Variants in SHANK2 observed in about 807,000 individuals in gnomAD.
SHANK2 encodes the protein SH3 and multiple ankyrin repeat domains protein 2.
Under a neutral mutation model 133.7 loss-of-function variants are expected in SHANK2, and 43 were observed. The observed-to-expected ratio is 0.32, with a 90% CI of 0.25 to 0.41. SHANK2 has a LOEUF of 0.41. Among genes scored for constraint, SHANK2 ranks in the 10% least tolerant of loss-of-function variants. The pLI is 1.00. For missense variants in SHANK2, 1,994 were observed against 2,235.8 expected (o/e 0.89, Z 2.18); for synonymous variants, 1,017 against 952.8 (o/e 1.07, Z -1.24).
intron 3 of SHANK2, among the ~76,000 whole-genome samples, chr11:71,127,008 A>G (rs1208125993): frequency 6.6e-6 from 1 of 152,176 alleles, no homozygotes; most frequent in East Asian, 1.9e-4. Context: ...CCCAGCTAAG[A>G]ATATTCACGA....
At chr11:70,763,872 G>A (rs1014395473) in intron 14 of SHANK2, among the ~76,000 whole-genome samples, 6 of 152,170 alleles carry the variant, frequency 3.9e-5, no homozygotes, top group Admixed American at 2.0e-4. Flanking sequence ...GGCACACTGT[G>A]AGTGGATGTG....
At chr11:70,731,458 C>A (rs182458363) in intron 14 of SHANK2, among the ~76,000 whole-genome samples, 2 of 152,216 alleles carry the variant, frequency 1.3e-5, no homozygotes, top group African/African-American at 4.8e-5. Context: ...TCTGTTTCTA[C>A]GGATTTGCTA....
chr11:70,885,693 A>G (rs144689142), intron 11 of SHANK2, among the ~76,000 whole-genome samples: 2 of 152,324 alleles, frequency 1.3e-5, no homozygotes, highest in Non-Finnish European at 2.9e-5. Flanking sequence ...GCATCCCATC[A>G]GGACAAAATC....
intron 17 of SHANK2, among the ~76,000 whole-genome samples, chr11:70,539,257 A>G (rs1565110813): frequency 6.6e-6 from 1 of 152,222 alleles, no homozygotes. Context: ...GCTGTGCCAC[A>G]CGCGGGCCTG....
intron 11 of SHANK2, among the ~76,000 whole-genome samples, chr11:70,872,708 G>A (rs552235483): frequency 2.0e-4 from 30 of 152,206 alleles, no homozygotes; most frequent in African/African-American, 4.3e-4. Flanking sequence ...TCTCCTCCAC[G>A]TTCTGGCCAC....
rs930353853 is a variant in SHANK2, at chr11:71,087,826, A to C, written c.912+4596T>G. 1.4e-4 allele frequency among the ~76,000 whole-genome samples: 22 copies of C among 152,156 alleles called. No individual in the cohort carries two copies. The South Asian group carries it at 1.7e-3, about 11-fold the overall frequency. On this transcript the variant is annotated intron_variant, in intron 8 of 25. Coordinates refer to ENST00000601538, the MANE Select transcript of SHANK2 (RefSeq NM_012309.5). ...TGTATTTTTAGTAAGACAGGGTTTC[A>C]CCATGTTGGCCAGGCTGGTCTCGAA... is the stretch of plus-strand genomic sequence containing the variant.
Position 70,778,815 on chromosome 11 carries a change from A to G in SHANK2, c.1777+19628T>C, listed in dbSNP as rs142625065. Among the ~76,000 whole-genome samples, 418 of 152,248 alleles carry G rather than the reference A, an allele frequency of 2.7e-3. 3 individuals carry two copies. The highest frequency in any genetic ancestry group is 9.8e-3 in the African/African-American group (408 of 41,546). On this transcript the variant is annotated intron_variant, in intron 14 of 25. Coordinates refer to ENST00000601538, the MANE Select transcript of SHANK2 (RefSeq NM_012309.5). ...GACTCTTCCCTGCCTACTGCCCTCC[A>G]CACTGGCAGCCCAGTGTAGCACTAA...
At chr11:70,834,537 G>A (rs543499009) in intron 11 of SHANK2, among the ~76,000 whole-genome samples, 9 of 152,270 alleles carry the variant, frequency 5.9e-5, no homozygotes, top group African/African-American at 1.9e-4. Flanking sequence ...AAGCTAGAGC[G>A]GGATTCTTCC....
At chr11:70,775,352 A>G (rs1947339171) in intron 14 of SHANK2, among the ~76,000 whole-genome samples, 1 of 152,096 alleles carries the variant, frequency 6.6e-6, no homozygotes, top group South Asian at 2.1e-4. Flanking sequence ...GCTACTCGGG[A>G]GGGTGAGGCA....
chr11:70,629,889 G>A (rs2060959318), intron 17 of SHANK2, among the ~76,000 whole-genome samples: 1 of 152,146 alleles, frequency 6.6e-6, no homozygotes, highest in Admixed American at 6.5e-5. Context: ...CTCACTATGA[G>A]GACCCTAATA....
intron 9 of SHANK2, among the ~76,000 whole-genome samples, chr11:71,072,192 C>T (rs1951151926): frequency 6.6e-6 from 1 of 152,148 alleles, no homozygotes; most frequent in East Asian, 1.9e-4. Flanking sequence ...CCTATGCCCC[C>T]GTGAGCCCAG....
intron 3 of SHANK2, among the ~76,000 whole-genome samples, chr11:71,122,178 C>T (rs7925806): frequency 0.68 from 103,617 of 152,038 alleles, 35,555 homozygotes; most frequent in South Asian, 0.73. Flanking sequence ...ATCATGCCAC[C>T]ATAAAGACAC....
intron 14 of SHANK2, among the ~76,000 whole-genome samples, chr11:70,765,896 A>C (rs1413040177): frequency 6.6e-6 from 1 of 152,228 alleles, no homozygotes; most frequent in Non-Finnish European, 1.5e-5. Flanking sequence ...GGGAGGAAGT[A>C]GAGGACATCT....
At chr11:70,598,087 G>A (rs782565018) in intron 17 of SHANK2, among the ~76,000 whole-genome samples, 10 of 152,246 alleles carry the variant, frequency 6.6e-5, no homozygotes, top group Non-Finnish European at 1.0e-4. Context: ...GGAGTGGGCT[G>A]CAGAACTCTG....
At chr11:70,824,865 G>T (rs1301277662) in intron 11 of SHANK2, among the ~76,000 whole-genome samples, 1 of 152,206 alleles carries the variant, frequency 6.6e-6, no homozygotes, top group Admixed American at 6.5e-5. Context: ...CAGTCTCAGA[G>T]AGCGATTATC....
intron 2 of SHANK2, among the ~76,000 whole-genome samples, chr11:71,219,953 G>C (rs1470251571): frequency 1.3e-5 from 2 of 151,796 alleles, no homozygotes; most frequent in African/African-American, 2.4e-5. Flanking sequence ...GCCAGGTGTG[G>C]TGGCTCACAC....
chr11:70,895,756 T>C (rs1316160416), intron 11 of SHANK2, among the ~76,000 whole-genome samples: 2 of 152,098 alleles, frequency 1.3e-5, no homozygotes, highest in African/African-American at 4.8e-5. Context: ...AATTAATTTG[T>C]TTCAGCAATC....
intron 10 of SHANK2, chr11:70,950,996 A>T (rs969561901): frequency 1.5e-4 from 27 of 174,368 alleles, no homozygotes; most frequent in African/African-American, 6.5e-4. Flanking sequence ...GCACATTAAG[A>T]CTACAGCACC....
At chr11:70,759,766 A>G (rs1946952438) in intron 14 of SHANK2, among the ~76,000 whole-genome samples, 1 of 152,242 alleles carries the variant, frequency 6.6e-6, no homozygotes, top group South Asian at 2.1e-4. Context: ...AGCAGCCAGC[A>G]AGCCCCGGCC....
Sources: gnomAD v4.1 joint callset for allele counts (sites outside exome capture counted in the v4.1 genomes callset) on GRCh38, gnomAD v4.1.1 for gene constraint, MANE v1.5 for transcripts, NCBI Gene and HGNC (gene_info 2026-07-23, HGNC 2026-07-21) for gene names.